RCOR1: variants seen among roughly 807,000 people sequenced by gnomAD.
The protein encoded by RCOR1 is REST corepressor 1.
RCOR1 carries 12 observed loss-of-function variants against 64.0 expected under a neutral mutation model. The observed-to-expected ratio is 0.19, with a 90% CI of 0.12 to 0.30. The LOEUF (loss-of-function observed/expected upper bound fraction) is 0.30, where lower values mean the gene tolerates loss of function less well. Ranked by LOEUF, RCOR1 falls within the 10% of genes least tolerant of loss-of-function variation. The pLI is 1.00. For missense variants in RCOR1, 502 were observed against 621.2 expected, an observed-to-expected ratio of 0.81 and a Z score of 2.04; for synonymous variants, 279 against 227.2, an observed-to-expected ratio of 1.23 and a Z score of -2.05.
intron 2 of RCOR1, among the ~76,000 whole-genome samples, chr14:102,670,106 A>G (rs11847793): frequency 0.2 from 30,979 of 151,928 alleles, 3,423 homozygotes; most frequent in East Asian, 0.38. Flanking sequence ...GTGTGCCACC[A>G]TGCCCGACTA....
chr14:102,715,563 G>T (rs1052436698), intron 8 of RCOR1, among the ~76,000 whole-genome samples: 2 of 149,518 alleles, frequency 1.3e-5, no homozygotes, highest in African/African-American at 2.5e-5. Context: ...TTGTGTTTTT[G>T]GTAGAGACGG....
At chr14:102,602,518 C>T (rs939001552) in intron 2 of RCOR1, among the ~76,000 whole-genome samples, 9 of 151,734 alleles carry the variant, frequency 5.9e-5, no homozygotes, top group Non-Finnish European at 1.3e-4. Flanking sequence ...ATTGTCCTGC[C>T]TCAGCCTCCC....
intron 6 of RCOR1, among the ~76,000 whole-genome samples, chr14:102,709,625 A>C (rs1895918858): frequency 1.3e-5 from 2 of 152,186 alleles, no homozygotes; most frequent in African/African-American, 2.4e-5. Context: ...AACATCTCCA[A>C]AGCTCTTTTA....
At chr14:102,699,958 T>G (rs979408241) in intron 3 of RCOR1, among the ~76,000 whole-genome samples, 11 of 152,212 alleles carry the variant, frequency 7.2e-5, no homozygotes, top group Non-Finnish European at 1.6e-4. Context: ...TTCATTTTCC[T>G]TGGTATTTTC....
chr14:102,681,371 T>C (rs760078066), intron 2 of RCOR1, among the ~76,000 whole-genome samples: 15 of 152,212 alleles, frequency 9.9e-5, no homozygotes, highest in Non-Finnish European at 1.9e-4. Context: ...CAGTAATACA[T>C]GTCAGCTCCA....
At chr14:102,694,277 G>A (rs1370526638) in intron 3 of RCOR1, among the ~76,000 whole-genome samples, 1 of 152,098 alleles carries the variant, frequency 6.6e-6, no homozygotes, top group Non-Finnish European at 1.5e-5. Flanking sequence ...ATTTTTTTGA[G>A]ATGGAGTCTT....
intron 2 of RCOR1, chr14:102,655,135 T>A (rs141972544): frequency 0.016 from 3,148 of 194,518 alleles, 118 homozygotes; most frequent in African/African-American, 0.089. Context: ...TTTTTTTTTT[T>A]AAGCTAAATT....
chr14:102,659,963 A>G (rs1401567237), intron 2 of RCOR1, among the ~76,000 whole-genome samples: 1 of 152,180 alleles, frequency 6.6e-6, no homozygotes, highest in Non-Finnish European at 1.5e-5. Context: ...CTTTCGTAAT[A>G]AGATAAATAA....
chr14:102,651,552 CAAA>C lies in RCOR1; in HGVS notation c.362-30333_362-30331del, dbSNP rs1157635431. ...TGGGCAACAGAGTGAGACTCCATCT[CAAA>C]AAAAAAAAAGAAAAAGAAAAAAGAA... On this transcript the variant is annotated intron_variant, in intron 2 of 11. Coordinates refer to ENST00000262241, the MANE Select transcript of RCOR1 (RefSeq NM_015156.4). Among the ~76,000 whole-genome samples, 6 of 114,702 alleles carry C rather than the reference CAAA, an allele frequency of 5.2e-5. No individual in the cohort carries two copies. The East Asian group carries it at 1.2e-3, about 23-fold the overall frequency. 75.2% of individuals were successfully genotyped at this position (114,702 alleles called of 152,430 possible).
At chr14:102,614,893 G>A (rs1021249952) in intron 2 of RCOR1, among the ~76,000 whole-genome samples, 6 of 150,794 alleles carry the variant, frequency 4.0e-5, no homozygotes, top group Non-Finnish European at 5.9e-5. Context: ...GTGCAGTGGC[G>A]TGATCTCGGC....
intron 8 of RCOR1, among the ~76,000 whole-genome samples, chr14:102,717,903 G>A (rs1450936869): frequency 6.6e-6 from 1 of 151,956 alleles, no homozygotes; most frequent in African/African-American, 2.4e-5. Flanking sequence ...CAGCCTTTTA[G>A]CGCCACAGTG....
intron 2 of RCOR1, among the ~76,000 whole-genome samples, chr14:102,649,479 C>T (rs997096415): frequency 3.6e-4 from 55 of 152,192 alleles, no homozygotes; most frequent in Non-Finnish European, 4.0e-4. Context: ...TTCCCATCCT[C>T]TCTTGTAGTT....
chr14:102,622,447 T>C (rs1328193563), intron 2 of RCOR1, among the ~76,000 whole-genome samples: 1 of 152,198 alleles, frequency 6.6e-6, no homozygotes, highest in Non-Finnish European at 1.5e-5. Context: ...TCTCATCTTG[T>C]GCTTCTTTCT....
intron 4 of RCOR1, among the ~76,000 whole-genome samples, chr14:102,704,494 C>T (rs1207605422): frequency 6.6e-6 from 1 of 152,260 alleles, no homozygotes; most frequent in Non-Finnish European, 1.5e-5. Flanking sequence ...GGCAATGGTG[C>T]GATCTCAGCT....
At chr14:102,667,819 T>A (rs542510476) in intron 2 of RCOR1, among the ~76,000 whole-genome samples, 11 of 152,270 alleles carry the variant, frequency 7.2e-5, no homozygotes, top group African/African-American at 2.4e-4. Context: ...TTGGTGACTA[T>A]ACAAGTGATA....
chr14:102,705,801 G>C (rs954462879), intron 4 of RCOR1, among the ~76,000 whole-genome samples: 9 of 151,876 alleles, frequency 5.9e-5, no homozygotes, highest in Non-Finnish European at 1.0e-4. Context: ...AAATAGAAAG[G>C]AATTTAAATC....
chr14:102,705,823 A>G (rs554309374), intron 4 of RCOR1, among the ~76,000 whole-genome samples: 193 of 152,202 alleles, frequency 1.3e-3, no homozygotes, highest in Middle Eastern at 3.4e-3. Context: ...TTCACTATAA[A>G]TAATCAACAA....
At chr14:102,706,681 G>C (rs949530703) in intron 4 of RCOR1, among the ~76,000 whole-genome samples, 4 of 152,092 alleles carry the variant, frequency 2.6e-5, no homozygotes, top group Non-Finnish European at 5.9e-5. Flanking sequence ...CAAGAAATTA[G>C]CCGGGTGTGG....
intron 2 of RCOR1, among the ~76,000 whole-genome samples, chr14:102,616,015 G>T (rs1893752046): frequency 6.6e-6 from 1 of 152,140 alleles, no homozygotes; most frequent in African/African-American, 2.4e-5. Context: ...ACATCACACA[G>T]GTTGAGGACT....
Sources: allele counts gnomAD v4.1 joint callset (sites outside exome capture counted in the v4.1 genomes callset), GRCh38; gene constraint gnomAD v4.1.1; transcripts MANE v1.5; gene names NCBI Gene and HGNC (gene_info 2026-07-23, HGNC 2026-07-21).